The following CDH13 variants were observed in gnomAD, a reference collection of about 807,000 sequenced individuals.
The protein encoded by CDH13 is cadherin 13.
Under a neutral mutation model 63.8 loss-of-function variants are expected in CDH13, and 24 were observed. That is an observed-to-expected ratio of 0.38 (90% confidence interval 0.27 to 0.53). The LOEUF (loss-of-function observed/expected upper bound fraction) is 0.53. CDH13 is among the 20% of genes least tolerant of loss of function. CDH13 has a pLI of 0.85. For synonymous variants in CDH13, 503 were observed against 355.3 expected (o/e 1.42, Z -4.67); for missense variants, 1,049 against 903.1 (o/e 1.16, Z -2.07).
At chr16:83,164,848 T>C (rs1419053567) in intron 4 of CDH13, among the ~76,000 whole-genome samples, 1 of 151,716 alleles carries the variant, frequency 6.6e-6, no homozygotes, top group African/African-American at 2.4e-5. Context: ...TATATATGCA[T>C]GCTGGCTAGT....
intron 3 of CDH13, among the ~76,000 whole-genome samples, chr16:83,032,546 G>A (rs1186429274): frequency 6.6e-6 from 1 of 152,102 alleles, no homozygotes; most frequent in Non-Finnish European, 1.5e-5. Context: ...GATGTATTGA[G>A]ACAGTCACAT....
chr16:82,914,243 T>G (rs754630826), intron 2 of CDH13, among the ~76,000 whole-genome samples: 3 of 152,212 alleles, frequency 2.0e-5, no homozygotes, highest in Non-Finnish European at 2.9e-5. Flanking sequence ...CAGGGCCCAT[T>G]TGTTAGTAAT....
At chr16:83,026,139 G>C (rs1185233686) in intron 2 of CDH13, among the ~76,000 whole-genome samples, 1 of 152,186 alleles carries the variant, frequency 6.6e-6, no homozygotes, top group South Asian at 2.1e-4. Flanking sequence ...GATGTGCCAG[G>C]TCCTGAAACT....
intron 2 of CDH13, among the ~76,000 whole-genome samples, chr16:82,929,992 A>G (rs1039111462): frequency 6.6e-6 from 1 of 150,676 alleles, no homozygotes; most frequent in Non-Finnish European, 1.5e-5. Context: ...CATATTCCAC[A>G]AGGGAAATCA....
intron 10 of CDH13, among the ~76,000 whole-genome samples, chr16:83,731,449 C>T (rs1174480087): frequency 3.3e-5 from 5 of 152,044 alleles, no homozygotes; most frequent in South Asian, 2.1e-4. Flanking sequence ...GTTTGTTGAC[C>T]GCACGTATGT....
At chr16:83,449,495 T>G (rs7189706) in intron 6 of CDH13, among the ~76,000 whole-genome samples, 35,230 of 152,126 alleles carry the variant, frequency 0.23, 4,285 homozygotes, top group Non-Finnish European at 0.25. Context: ...TCTGGAAATA[T>G]CACTCGGTGA....
chr16:82,831,774 C>T (rs1177293055), intron 1 of CDH13, among the ~76,000 whole-genome samples: 1 of 152,192 alleles, frequency 6.6e-6, no homozygotes, highest in African/African-American at 2.4e-5. Flanking sequence ...GAATTTCTCA[C>T]CTTTTGTTCA....
chr16:83,442,344 C>T (rs1335037142), intron 6 of CDH13, among the ~76,000 whole-genome samples: 1 of 152,198 alleles, frequency 6.6e-6, no homozygotes, highest in Admixed American at 6.5e-5. Flanking sequence ...AGGACCTCCA[C>T]ATCCTGCCTC....
intron 6 of CDH13, among the ~76,000 whole-genome samples, chr16:83,368,718 C>T (rs549755511): frequency 6.6e-6 from 1 of 151,122 alleles, no homozygotes; most frequent in Non-Finnish European, 1.5e-5. Flanking sequence ...TATTCTTATG[C>T]CTTTGCATCC....
intron 7 of CDH13, among the ~76,000 whole-genome samples, chr16:83,562,571 C>G (rs1162759503): frequency 1.3e-5 from 2 of 152,142 alleles, no homozygotes; most frequent in Non-Finnish European, 2.9e-5. Flanking sequence ...AATAAATAGT[C>G]CTACAGATGT....
intron 10 of CDH13, among the ~76,000 whole-genome samples, chr16:83,714,411 G>A (rs989672113): frequency 2.0e-5 from 3 of 152,140 alleles, no homozygotes; most frequent in Non-Finnish European, 2.9e-5. Context: ...TGAAGTGACC[G>A]CATACCTAGC....
chr16:83,087,530 C>T (rs1597309560), intron 3 of CDH13, among the ~76,000 whole-genome samples: 1 of 151,762 alleles, frequency 6.6e-6, no homozygotes, highest in Admixed American at 6.6e-5. Flanking sequence ...TAGCCAGGTG[C>T]GGTGGCATGT....
chr16:83,212,135 C>T (rs1284841696), intron 4 of CDH13, among the ~76,000 whole-genome samples: 1 of 152,134 alleles, frequency 6.6e-6, no homozygotes, highest in Non-Finnish European at 1.5e-5. Flanking sequence ...GCTGCTGCAG[C>T]TGTGGAGTTC....
chr16:83,014,345 T>A (rs537750837), intron 2 of CDH13, among the ~76,000 whole-genome samples: 50 of 143,724 alleles, frequency 3.5e-4, no homozygotes, highest in African/African-American at 1.1e-3. Context: ...AAAAAAAAAC[T>A]TAGCATCTAA....
intron 1 of CDH13, among the ~76,000 whole-genome samples, chr16:82,837,234 T>C (rs1342285718): frequency 1.3e-5 from 2 of 152,176 alleles, no homozygotes; most frequent in African/African-American, 2.4e-5. Flanking sequence ...GCTGAAACTA[T>C]CTTAATTACT....
At chr16:83,618,712 C>T (rs529693012) in intron 8 of CDH13, among the ~76,000 whole-genome samples, 8 of 151,520 alleles carry the variant, frequency 5.3e-5, no homozygotes, top group African/African-American at 1.9e-4. Context: ...TGCAGAGATC[C>T]CTGAATCTAC....
intron 5 of CDH13, among the ~76,000 whole-genome samples, chr16:83,245,293 G>T (rs374279999): frequency 2.6e-5 from 4 of 152,152 alleles, no homozygotes; most frequent in Admixed American, 6.5e-5. Flanking sequence ...AGAAGTTCTC[G>T]TGGGGAAATG....
At chr16:83,044,401 G>A (rs921648388) in intron 3 of CDH13, among the ~76,000 whole-genome samples, 1 of 152,202 alleles carries the variant, frequency 6.6e-6, no homozygotes, top group African/African-American at 2.4e-5. Context: ...ATCCAGAGCT[G>A]AGCAAAACTC....
At chr16:83,174,586 A>G (rs998324053) in intron 4 of CDH13, among the ~76,000 whole-genome samples, 1 of 152,106 alleles carries the variant, frequency 6.6e-6, no homozygotes, top group South Asian at 2.1e-4. Flanking sequence ...CCAGTTAGGT[A>G]GCCACTAGCC....
Sources: gnomAD v4.1 joint callset for allele counts (sites outside exome capture counted in the v4.1 genomes callset) on GRCh38, gnomAD v4.1.1 for gene constraint, MANE v1.5 for transcripts, NCBI Gene and HGNC (gene_info 2026-07-23, HGNC 2026-07-21) for gene names.